Variants in TRABD2B observed in about 807,000 individuals in gnomAD.
The protein encoded by TRABD2B is metalloprotease TIKI2.
In TRABD2B, 14 loss-of-function variants were observed where a neutral mutation model predicts 40.1. The ratio of observed to expected loss-of-function variants is 0.35; its 90% CI spans 0.23 to 0.55. The LOEUF is 0.55. Ranked by LOEUF, TRABD2B falls within the 20% of genes least tolerant of loss-of-function variation. The pLI is 0.90. For missense variants in TRABD2B, 541 were observed against 648.6 expected (o/e 0.83, Z 1.80); for synonymous variants, 263 against 277.0 (o/e 0.95, Z 0.50).
intron 2 of TRABD2B, among the ~76,000 whole-genome samples, chr1:47,824,314 G>T (rs891246030): frequency 1.3e-5 from 2 of 151,978 alleles, no homozygotes; most frequent in African/African-American, 4.8e-5. Flanking sequence ...AGGCAGGTCT[G>T]GGGGGAATCT....
intron 2 of TRABD2B, among the ~76,000 whole-genome samples, chr1:47,883,573 G>A (rs544344082): frequency 5.9e-5 from 9 of 152,324 alleles, no homozygotes; most frequent in Admixed American, 5.9e-4. Context: ...GATCTTAGAA[G>A]GACCAAGAGC....
chr1:47,964,217 C>T (rs1032638971), intron 2 of TRABD2B, among the ~76,000 whole-genome samples: 10 of 152,180 alleles, frequency 6.6e-5, no homozygotes, highest in African/African-American at 1.9e-4. Context: ...GGAAGCGTTA[C>T]GGTCACATTA....
intron 2 of TRABD2B, among the ~76,000 whole-genome samples, chr1:47,822,149 T>TACACACACACACACAC (rs77773814): frequency 1.3e-5 from 2 of 151,284 alleles, no homozygotes; most frequent in Admixed American, 1.3e-4. Context: ...TGTGTACACG[T>TACACACACACACACAC]ACACACACAC....
chr1:47,838,442 T>C (rs1395682910), intron 2 of TRABD2B, among the ~76,000 whole-genome samples: 1 of 152,170 alleles, frequency 6.6e-6, no homozygotes, highest in Non-Finnish European at 1.5e-5. Flanking sequence ...CTGCAGCTCA[T>C]GTCTGAGGTT....
intron 2 of TRABD2B, among the ~76,000 whole-genome samples, chr1:47,877,156 A>G (rs1644236979): frequency 6.6e-6 from 1 of 150,422 alleles, no homozygotes; most frequent in Non-Finnish European, 1.5e-5. Flanking sequence ...AAATACAAGC[A>G]GGGGCCCAAA....
rs1376829265 is a variant in TRABD2B, at chr1:47,845,766, A to G, written c.667-44147T>C. Among the ~76,000 whole-genome samples, 3 of 152,354 alleles carry G rather than the reference A, an allele frequency of 2.0e-5. No individual in the cohort carries two copies. In the East Asian group the frequency reaches 5.8e-4, roughly 29 times the overall value. ...GTGGCTGCTGAGAGATTATTTTTGT[A>G]TAATAAGGAATGTATTTTTATAATC... On this transcript the variant is annotated intron_variant, in intron 2 of 6. Transcript: ENST00000606738.
intron 2 of TRABD2B, among the ~76,000 whole-genome samples, chr1:47,875,618 T>C (rs981265457): frequency 7.6e-6 from 1 of 130,852 alleles, no homozygotes; most frequent in Admixed American, 9.7e-5. Context: ...GCCCAGGAGA[T>C]GGAGGTTGCA....
intron 2 of TRABD2B, among the ~76,000 whole-genome samples, chr1:47,838,672 T>A (rs921484814): frequency 6.6e-6 from 1 of 152,172 alleles, no homozygotes; most frequent in Non-Finnish European, 1.5e-5. Context: ...GGAGACGCAG[T>A]GTAAACCACA....
At chr1:47,859,861 C>T (rs1473314571) in intron 2 of TRABD2B, among the ~76,000 whole-genome samples, 1 of 152,210 alleles carries the variant, frequency 6.6e-6, no homozygotes, top group Non-Finnish European at 1.5e-5. Context: ...ATCGACAACT[C>T]TTCACGGTTA....
At chr1:47,846,863 C>A (rs1335665529) in intron 2 of TRABD2B, among the ~76,000 whole-genome samples, 1 of 135,006 alleles carries the variant, frequency 7.4e-6, no homozygotes, top group Admixed American at 7.3e-5. Context: ...TGCATACACA[C>A]ACACACACAC....
intron 2 of TRABD2B, among the ~76,000 whole-genome samples, chr1:47,958,733 G>A (rs1645463215): frequency 6.6e-6 from 1 of 152,174 alleles, no homozygotes. Context: ...GACCTACAAA[G>A]AGACTTAAGA....
intron 2 of TRABD2B, among the ~76,000 whole-genome samples, chr1:47,972,117 A>C (rs1557688161): frequency 6.6e-6 from 1 of 152,228 alleles, no homozygotes. Flanking sequence ...TATTGTTATT[A>C]TTAGCAGTAT....
rs1432066460 is a variant in TRABD2B at position 47,760,817 on chromosome 1, G to A, written c.*5085C>T. 4 of 152,220 alleles carry A rather than the reference G, an allele frequency of 2.6e-5. No individual in the cohort carries two copies. Among genetic ancestry groups the A allele is most frequent in the Admixed American group, 1.3e-4 (2 of 15,290 alleles). The allele number at this position is 152,220 out of a possible 1,614,324, so 9.4% of individuals were successfully genotyped here. ...TCTGTTCTGGGCTAGAGCCTCCTTT[G>A]GCTGAATCAGCCCCTGCCCACCCCA... On this transcript the variant is annotated 3_prime_UTR_variant, in exon 7 of 7. Transcript: ENST00000606738.
chr1:47,952,837 T>C (rs969599304), intron 2 of TRABD2B, among the ~76,000 whole-genome samples: 2 of 152,196 alleles, frequency 1.3e-5, no homozygotes, highest in African/African-American at 4.8e-5. Flanking sequence ...ATGACCTGTC[T>C]CCTGGAGGAC....
intron 2 of TRABD2B, among the ~76,000 whole-genome samples, chr1:47,990,832 T>A (rs1307688884): frequency 1.0e-5 from 1 of 96,372 alleles, no homozygotes; most frequent in Non-Finnish European, 2.0e-5. Flanking sequence ...TATATATATA[T>A]ATAAAACGTT....
At chr1:47,841,465 TTCTTTCACTCAC>T (rs1386242877) in intron 2 of TRABD2B, among the ~76,000 whole-genome samples, 1 of 152,192 alleles carries the variant, frequency 6.6e-6, no homozygotes, top group Non-Finnish European at 1.5e-5. Context: ...CACCCCTATC[TTCTTTCACTCAC>T]TCTTTCACTT....
At chr1:47,868,219 T>A (rs1644087794) in intron 2 of TRABD2B, among the ~76,000 whole-genome samples, 1 of 152,250 alleles carries the variant, frequency 6.6e-6, no homozygotes, top group African/African-American at 2.4e-5. Flanking sequence ...CTGAACTACA[T>A]GCTTTATGAA....
intron 2 of TRABD2B, among the ~76,000 whole-genome samples, chr1:47,840,312 C>G (rs184133043): frequency 6.6e-6 from 1 of 152,204 alleles, no homozygotes; most frequent in African/African-American, 2.4e-5. Context: ...CCCAGAGGTA[C>G]GTATCATCCT....
intron 5 of TRABD2B, 133 bp from the exon 6 acceptor site, chr1:47,775,572 G>A: frequency 1.1e-6 from 1 of 931,666 alleles, no homozygotes; most frequent in Non-Finnish European, 1.4e-6. Flanking sequence ...TGGGCCCGGT[G>A]ACAGCAGCCC....
Sources: gnomAD v4.1 joint callset for allele counts (sites outside exome capture counted in the v4.1 genomes callset) on GRCh38, gnomAD v4.1.1 for gene constraint, MANE v1.5 for transcripts, NCBI Gene and HGNC (gene_info 2026-07-23, HGNC 2026-07-21) for gene names.